The following MSANTD4 variants were observed in gnomAD, a reference collection of about 807,000 sequenced individuals.
MSANTD4 encodes the protein Myb/SANT DNA binding domain containing 4 with coiled-coils.
A neutral mutation model predicts 34.3 loss-of-function variants in MSANTD4; 13 were observed. That is an observed-to-expected ratio of 0.38 (90% CI 0.25 to 0.60). The LOEUF (loss-of-function observed/expected upper bound fraction) is 0.60. MSANTD4 is among the 20% of genes least tolerant of loss of function. The pLI is 0.63. For synonymous variants in MSANTD4, 137 were observed against 145.2 expected (o/e 0.94, Z 0.41); for missense variants, 358 against 401.8 (o/e 0.89, Z 0.93).
At position 106,009,334 on chromosome 11, in the gene MSANTD4, G is replaced by A; in HGVS notation, c.*201C>T. On this transcript the variant is annotated 3_prime_UTR_variant, in exon 3 of 3. Coordinates refer to ENST00000301919, the MANE Select transcript of MSANTD4 (RefSeq NM_032424.3). Reference sequence around the variant, plus strand: ...ATTATAAGGTAAAGAGTCCAGCACAGTAAGTTTCTGCTATACTGTTTACGC... The same window carrying A: ...ATTATAAGGTAAAGAGTCCAGCACAATAAGTTTCTGCTATACTGTTTACGC... The A allele has an allele frequency of 1.8e-6, 1 of 546,546 alleles. No individual in the cohort carries two copies. Among genetic ancestry groups the A allele is most frequent in the East Asian group, 2.9e-5 (1 of 34,484 alleles). The allele number at this position is 546,546 out of a possible 1,614,324, so 33.9% of individuals were successfully genotyped here. A position where few individuals can be genotyped will look rare whatever the true frequency, so the allele number is the denominator to read the frequency against.
intron 1 of MSANTD4, among the ~76,000 whole-genome samples, chr11:106,011,797 C>G (rs1308389829): frequency 6.6e-6 from 1 of 151,990 alleles, no homozygotes; most frequent in Non-Finnish European, 1.5e-5. Context: ...TTTGAGATAT[C>G]TAAAAGAAAA....
chr11:106,013,505 C>T (rs969262552), intron 1 of MSANTD4, among the ~76,000 whole-genome samples: 1 of 152,172 alleles, frequency 6.6e-6, no homozygotes, highest in Admixed American at 6.5e-5. Flanking sequence ...TTACTACCAC[C>T]AGGTTCCCTC....
chr11:106,010,156 G>A (rs760734229), intron 2 of MSANTD4, 46 bp from the exon 3 acceptor site: 38 of 1,459,576 alleles, frequency 2.6e-5, no homozygotes, highest in Non-Finnish European at 3.4e-5. Flanking sequence ...CTTCTACTTT[G>A]TGGCAATTTG....
At chr11:106,012,196 A>G (rs1033124844) in intron 1 of MSANTD4, among the ~76,000 whole-genome samples, 1 of 152,130 alleles carries the variant, frequency 6.6e-6, no homozygotes, top group African/African-American at 2.4e-5. Flanking sequence ...TATCACCAAA[A>G]AAATTTTTTA....
intron 1 of MSANTD4, among the ~76,000 whole-genome samples, chr11:106,015,910 C>T (rs1591521393): frequency 6.6e-6 from 1 of 152,300 alleles, no homozygotes; most frequent in East Asian, 1.9e-4. Context: ...GTTCCCCAGA[C>T]TGGAGTACAG....
At chr11:106,014,771 C>T (rs1357694179) in intron 1 of MSANTD4, among the ~76,000 whole-genome samples, 1 of 152,162 alleles carries the variant, frequency 6.6e-6, no homozygotes, top group African/African-American at 2.4e-5. Context: ...CAAATATATG[C>T]CCATCACCAC....
chr11:106,008,923 C>A lies in MSANTD4; in HGVS notation c.*612G>T, dbSNP rs1859600237. Reference sequence around the variant, plus strand: ...TTCATCACTTCCTATATTCAATATACTACACAGTAACATTTCATAGTTAAA... The same window carrying A: ...TTCATCACTTCCTATATTCAATATAATACACAGTAACATTTCATAGTTAAA... On this transcript the variant is annotated 3_prime_UTR_variant, in exon 3 of 3. Transcript: ENST00000301919. 6.6e-6 allele frequency: 1 copy of A among 152,174 alleles called. No individual in the cohort carries two copies. The highest frequency in any genetic ancestry group is 1.9e-4 in the East Asian group (1 of 5,198). 9.4% of individuals were successfully genotyped at this position (152,174 alleles called of 1,614,324 possible).
Position 106,021,722 on chromosome 11 carries a change from T to C in MSANTD4, c.-911A>G, listed in dbSNP as rs1860044560. 6.6e-6 allele frequency: 1 copy of C among 152,164 alleles called. No homozygotes were observed. Among genetic ancestry groups the C allele is most frequent in the Non-Finnish European group, 1.5e-5 (1 of 68,070 alleles). 9.4% of individuals were successfully genotyped at this position (152,164 alleles called of 1,614,324 possible). Reference sequence around the variant, plus strand: ...ACTTATGGGTCGACGGTTATCAAAGTATCTTTCACCTCCCTCCCGCTGCCT... The same window carrying C: ...ACTTATGGGTCGACGGTTATCAAAGCATCTTTCACCTCCCTCCCGCTGCCT... On this transcript the variant is annotated 5_prime_UTR_variant, in exon 1 of 3. In the 5' UTR this introduces an upstream ATG that the reference lacks. Transcript: ENST00000301919.
At chr11:106,011,136 T>C in intron 1 of MSANTD4, 69 bp from the exon 2 acceptor site, 1 of 671,016 alleles carries the variant, frequency 1.5e-6, no homozygotes, top group Non-Finnish European at 2.3e-6. Flanking sequence ...CCTAATGAAC[T>C]ATATAATTTT....
intron 1 of MSANTD4, among the ~76,000 whole-genome samples, chr11:106,012,536 G>C (rs998482024): frequency 6.6e-6 from 1 of 152,132 alleles, no homozygotes; most frequent in Non-Finnish European, 1.5e-5. Flanking sequence ...CAGATTTTGA[G>C]TGGAAAAGAT....
chr11:106,016,102 C>T (rs1591521544), intron 1 of MSANTD4, among the ~76,000 whole-genome samples: 1 of 152,306 alleles, frequency 6.6e-6, no homozygotes, highest in East Asian at 1.9e-4. Flanking sequence ...AGGTGATCCT[C>T]CTGCCTTAGC....
intron 1 of MSANTD4, among the ~76,000 whole-genome samples, chr11:106,016,424 T>C (rs2134954005): frequency 6.6e-6 from 1 of 152,330 alleles, no homozygotes; most frequent in African/African-American, 2.4e-5. Context: ...GGTCAAAACT[T>C]GGCTTTTTCC....
rs746214719 is a variant in MSANTD4, at chr11:106,009,994, T to A, written c.579A>T (p.Pro193=). The A allele has an allele frequency of 6.2e-7, 1 of 1,609,110 alleles. No individual in the cohort carries two copies. ...IDEFFTLNST[P]SRSAYDEPHL... is the part of the protein sequence containing the mutation. ...GAGGCTCATCATATGCAGATCTAGA[T>A]GGTGTTGAGTTAAGGGTAAAAAACT... Residue 193 remains proline (P), a synonymous_variant, in exon 3 of 3, where the codon CCA becomes CCT. Coordinates refer to ENST00000301919, the MANE Select transcript of MSANTD4 (RefSeq NM_032424.3).
At chr11:106,011,775 A>T (rs1023231612) in intron 1 of MSANTD4, among the ~76,000 whole-genome samples, 3 of 152,206 alleles carry the variant, frequency 2.0e-5, no homozygotes, top group Non-Finnish European at 4.4e-5. Context: ...GATTTGCCAA[A>T]ATAATCATTA....
intron 1 of MSANTD4, among the ~76,000 whole-genome samples, chr11:106,020,582 T>C (rs1044617639): frequency 6.6e-6 from 1 of 152,216 alleles, no homozygotes; most frequent in East Asian, 1.9e-4. Context: ...TTGTTGTAAA[T>C]GTATTGGTAC....
chr11:106,012,703 T>A (rs951884353), intron 1 of MSANTD4, among the ~76,000 whole-genome samples: 1 of 152,204 alleles, frequency 6.6e-6, no homozygotes, highest in South Asian at 2.1e-4. Context: ...AAGTGGGACC[T>A]AGCAATCTGT....
In MSANTD4 at chr11:106,014,951, AAAG is replaced by A. The variant is rs1384399846; in HGVS notation, c.-150-3887_-150-3885del. On this transcript the variant is annotated intron_variant, in intron 1 of 2. Coordinates refer to ENST00000301919, the MANE Select transcript of MSANTD4 (RefSeq NM_032424.3). ...GGGCAACGTATGCAAAAACAAAAGA[AAAG>A]AAGACTGCAAGCCAACTATTTCTAA... Among the ~76,000 whole-genome samples, 5 of 152,226 alleles carry A rather than the reference AAAG, an allele frequency of 3.3e-5. No individual in the cohort carries two copies. The South Asian group carries it at 6.2e-4, about 19-fold the overall frequency.
chr11:106,018,438 A>T (rs1333427288), intron 1 of MSANTD4, among the ~76,000 whole-genome samples: 1 of 152,208 alleles, frequency 6.6e-6, no homozygotes, highest in African/African-American at 2.4e-5. Context: ...ATCTCTGACC[A>T]ATTAAAACAA....
rs771624238 is a variant in MSANTD4 at position 106,009,828 on chromosome 11, G to A, written c.745C>T (p.Arg249Trp). 6 of 1,613,974 alleles carry A rather than the reference G, an allele frequency of 3.7e-6. No homozygotes were observed. Among genetic ancestry groups the A allele is most frequent in the Middle Eastern group, 1.6e-4 (1 of 6,084 alleles). ...AGCCGCTCCTTCTCTAGCTGAAGCC[G>A]CTCATGTTCCATGTCTAAATGCCGC... is the stretch of plus-strand genomic sequence containing the variant. ...RLRHLDMEHE[R>W]LQLEKERLQI... is the part of the protein sequence containing the mutation. Residue 249 changes from arginine to tryptophan, a missense_variant, in exon 3 of 3, where the codon CGG becomes TGG. By Grantham distance (101) the Arg-to-Trp change is moderately radical. This residue lies in a region of MSANTD4 where 312 missense variants were observed against 317.6 expected (regional missense o/e 0.98). Coordinates refer to ENST00000301919, the MANE Select transcript of MSANTD4 (RefSeq NM_032424.3).
Sources: allele counts gnomAD v4.1 joint callset (sites outside exome capture counted in the v4.1 genomes callset), GRCh38; gene constraint gnomAD v4.1.1; regional missense constraint gnomAD v4.1.1; transcripts MANE v1.5; gene names NCBI Gene and HGNC (gene_info 2026-07-23, HGNC 2026-07-21).